COL28A1: variants seen among roughly 807,000 people sequenced by gnomAD.
The protein encoded by COL28A1 is collagen alpha-1(XXVIII) chain.
Under a neutral mutation model 150.2 loss-of-function variants are expected in COL28A1, and 161 were observed. That is an observed-to-expected ratio of 1.07 (90% CI 0.94 to 1.22). The LOEUF (loss-of-function observed/expected upper bound fraction) is 1.22, where lower values mean the gene tolerates loss of function less well. Among genes scored for constraint, COL28A1 ranks in the 50% most tolerant of loss-of-function variants. The pLI is 0.00. For synonymous variants in COL28A1, 552 were observed against 469.7 expected (o/e 1.18, Z -2.26); for missense variants, 1,617 against 1,388.3 (o/e 1.16, Z -2.62).
Position 7,506,017 on chromosome 7 carries a change from AT to A in COL28A1, c.1022del (p.Asn341IlefsTer97). The A allele has an allele frequency of 7.4e-7, 1 of 1,359,946 alleles. No individual in the cohort carries two copies. Among genetic ancestry groups the A allele is most frequent in the Non-Finnish European group, 1.1e-6 (1 of 947,968 alleles). 84.2% of individuals were successfully genotyped at this position (1,359,946 alleles called of 1,614,324 possible). On this transcript the variant is annotated frameshift_variant, in exon 11 of 35. Transcript: ENST00000399429. LOFTEE classifies it high-confidence loss of function. ...TTTAATCAAAGGGTAAGATTACCTT[AT>A]TGCCTTGAAACCCCTTTGGGCCTGG... ...GDPGPKGFQG[N>X]KGEPGPPGPY...
rs753546944 is a variant in COL28A1 at position 7,373,129 on chromosome 7, T to C, written c.2777A>G (p.Asn926Ser). The change falls in exon 32 of 35, where the codon AAT (asparagine) becomes AGT (serine). Residue 926 changes from asparagine to serine, a missense_variant. Asn to Ser is a conservative substitution (Grantham distance 46). Transcript: ENST00000399429. This position sits in a 1 kb window ranked among gnomAD's most constrained non-coding sequence, Gnocchi z 4.1. ...TEVVKNASDT[N>S]VEIFVIGVVK... ...CACCCCTATCACAAATATCTCCACA[T>C]TGGTGTCACTGGCATTCTTCACCAC... is the stretch of plus-strand genomic sequence containing the variant. 5.0e-6 allele frequency: 8 copies of C among 1,614,106 alleles called. No individual in the cohort carries two copies. Among genetic ancestry groups the C allele is most frequent in the East Asian group, 2.2e-5 (1 of 44,900 alleles).
chr7:7,498,903 C>T (rs191987259), intron 11 of COL28A1, among the ~76,000 whole-genome samples: 233 of 152,148 alleles, frequency 1.5e-3, no homozygotes, highest in Non-Finnish European at 2.4e-3. Flanking sequence ...ACAATCTACA[C>T]ACACACGCAC....
chr7:7,503,009 G>C (rs1013699995), intron 11 of COL28A1, among the ~76,000 whole-genome samples: 1 of 152,154 alleles, frequency 6.6e-6, no homozygotes, highest in African/African-American at 2.4e-5. Flanking sequence ...TGCACTTTCA[G>C]ATGAAGATTA....
chr7:7,463,386 G>C (rs1026957855), intron 15 of COL28A1, among the ~76,000 whole-genome samples: 22 of 152,122 alleles, frequency 1.4e-4, no homozygotes, highest in African/African-American at 5.1e-4. Context: ...AAAAACCCTA[G>C]AGCAGAAGTA....
At position 7,373,476 on chromosome 7, in the gene COL28A1, C is replaced by T. The variant is rs750407824; in HGVS notation, c.2430G>A (p.Gly810=). ...TTTTAATGATCTGAAAGTTCTCTGGCCCCACGCTTTCTGAGCTGTCGATCA... is the reference window on the plus strand; with the variant it reads ...TTTTAATGATCTGAAAGTTCTCTGGTCCCACGCTTTCTGAGCTGTCGATCA... ...VFVIDSSESV[G]PENFQIIKNF... The change falls in exon 32 of 35, where the codon GGG becomes GGA. Residue 810 remains glycine (G), a synonymous_variant. Transcript: ENST00000399429. The surrounding 1 kb of genome is among the most constrained non-coding windows in gnomAD (Gnocchi z 4.1). 2.5e-6 allele frequency: 4 copies of T among 1,614,096 alleles called. No homozygotes were observed. Among genetic ancestry groups the T allele is most frequent in the Non-Finnish European group, 3.4e-6 (4 of 1,180,026 alleles).
At chr7:7,511,652 C>T (rs1439674167) in intron 8 of COL28A1, 2 of 401,474 alleles carry the variant, frequency 5.0e-6, no homozygotes, top group Non-Finnish European at 5.2e-6. Flanking sequence ...GAGTACCAAC[C>T]TTGACCACCT....
Position 7,498,909 on chromosome 7 carries a change from C to T in COL28A1, c.1026+7105G>A, listed in dbSNP as rs148367279. On this transcript the variant is annotated intron_variant, in intron 11 of 34. Transcript: ENST00000399429. ...TTTTACCTGACAATCTACACACACA[C>T]GCACACACACACACACACAGAGTAT... 3.0e-4 allele frequency among the ~76,000 whole-genome samples: 46 copies of T among 152,094 alleles called. No individual in the cohort carries two copies. The East Asian group carries it at 5.8e-3, about 19-fold the overall frequency.
chr7:7,438,269 T>C (rs991902159), intron 21 of COL28A1, among the ~76,000 whole-genome samples: 2 of 152,098 alleles, frequency 1.3e-5, no homozygotes, highest in African/African-American at 4.8e-5. Context: ...AGAACCCCTA[T>C]GATTTTAAAA....
chr7:7,338,582 G>A, the COL28A1 span, among the ~76,000 whole-genome samples: 14 of 152,220 alleles, frequency 9.2e-5, no homozygotes, highest in East Asian at 2.3e-3. Context: ...TCAGGTCTAA[G>A]AGCCTTTTGG....
chr7:7,417,879 A>G lies in COL28A1; in HGVS notation c.2116T>C (p.Tyr706His). Residue 706 changes from tyrosine (Y) to histidine (H), a missense_variant, in exon 27 of 35, where the codon TAT becomes CAT. Tyr to His is a moderately conservative substitution (Grantham distance 83). Coordinates refer to ENST00000399429, the MANE Select transcript of COL28A1 (RefSeq NM_001037763.3). ...CTTACTTTAATTCCCTGTGATCCATAGCCAGGGGGGCCAGGAGGGCCAGGC... is the reference window on the plus strand; with the variant it reads ...CTTACTTTAATTCCCTGTGATCCATGGCCAGGGGGGCCAGGAGGGCCAGGC... ...GLPGPPGPPG[Y>H]GSQGIKGEQG... The G allele has an allele frequency of 6.2e-7, 1 of 1,613,472 alleles. No individual in the cohort carries two copies. The highest frequency in any genetic ancestry group is 8.5e-7 in the Non-Finnish European group (1 of 1,179,704).
In COL28A1 at chr7:7,527,730, T is replaced by C. The variant is rs575395971; in HGVS notation, c.682-3481A>G. Among the ~76,000 whole-genome samples, 246 of 152,320 alleles carry C rather than the reference T, an allele frequency of 1.6e-3. 2 individuals carry two copies. The highest frequency in any genetic ancestry group is 5.6e-3 in the African/African-American group (233 of 41,558). ...TCAGAATTTCATTAATGGATTCATATATATGGCATATATTCACATATACTA... is the reference window on the plus strand; with the variant it reads ...TCAGAATTTCATTAATGGATTCATACATATGGCATATATTCACATATACTA... On this transcript the variant is annotated intron_variant, in intron 3 of 34. Transcript: ENST00000399429.
chr7:7,455,310 A>C (rs1054985556), intron 16 of COL28A1, among the ~76,000 whole-genome samples: 5 of 152,200 alleles, frequency 3.3e-5, no homozygotes, highest in African/African-American at 9.6e-5. Context: ...GCAAACAACA[A>C]AGTATATGGT....
chr7:7,445,603 G>C (rs1376298970), intron 18 of COL28A1, among the ~76,000 whole-genome samples: 2 of 152,056 alleles, frequency 1.3e-5, no homozygotes, highest in Admixed American at 6.6e-5. Context: ...ACTTGCTTTC[G>C]AGTTAATTTA....
intron 15 of COL28A1, 84 bp downstream of exon 15, chr7:7,474,517 T>G (rs2128351022): frequency 1.4e-6 from 1 of 695,564 alleles, no homozygotes; most frequent in East Asian, 2.8e-5. Flanking sequence ...GGTTGTCATG[T>G]ATACAGTTCA....
At chr7:7,477,202 G>T (rs375745908) in intron 13 of COL28A1, 22 bp from the exon 14 acceptor site, 2 of 910,400 alleles carry the variant, frequency 2.2e-6, no homozygotes, top group Middle Eastern at 2.1e-4. Context: ...AGGAGAAAAT[G>T]AGGAGCAGGA....
chr7:7,528,317 A>G (rs1175413622), intron 3 of COL28A1, among the ~76,000 whole-genome samples: 6 of 152,304 alleles, frequency 3.9e-5, no homozygotes, highest in Middle Eastern at 3.4e-3. Flanking sequence ...TTTGGTTTCA[A>G]TACTATTATG....
chr7:7,416,814 GA>G (rs1414741816), intron 27 of COL28A1, among the ~76,000 whole-genome samples: 1 of 152,190 alleles, frequency 6.6e-6, no homozygotes, highest in Non-Finnish European at 1.5e-5. Flanking sequence ...TCTCTACACA[GA>G]AGTAGGCAGT....
intron 25 of COL28A1, among the ~76,000 whole-genome samples, chr7:7,422,965 T>G (rs952050587): frequency 6.6e-6 from 1 of 152,234 alleles, no homozygotes; most frequent in Non-Finnish European, 1.5e-5. Context: ...TTAAGAGCTA[T>G]TTCAATCAAA....
At chr7:7,374,038 A>AAAAAAAAT in intron 31 of COL28A1, among the ~76,000 whole-genome samples, 4 of 113,656 alleles carry the variant, frequency 3.5e-5, no homozygotes, top group African/African-American at 1.5e-4. Context: ...AAAAAAAAAA[A>AAAAAAAAT]ATATATATAT....
Sources: allele counts gnomAD v4.1 joint callset (sites outside exome capture counted in the v4.1 genomes callset), GRCh38; gene constraint gnomAD v4.1.1; non-coding constraint Gnocchi (gnomAD v3.1); transcripts MANE v1.5; gene names NCBI Gene and HGNC (gene_info 2026-07-23, HGNC 2026-07-21).